The following KCNJ6 variants were observed in gnomAD, a reference collection of about 807,000 sequenced individuals.
KCNJ6 encodes G protein-activated inward rectifier potassium channel 2.
In KCNJ6, 9 loss-of-function variants were observed where a neutral mutation model predicts 34.2. The observed-to-expected ratio is 0.26, with a 90% CI of 0.16 to 0.46. The LOEUF is 0.46. KCNJ6 is among the 20% of genes least tolerant of loss of function. The pLI, the probability that KCNJ6 is intolerant of heterozygous loss-of-function variation, is 1.00. For synonymous variants in KCNJ6, 196 were observed against 207.1 expected (o/e 0.95, Z 0.46); for missense variants, 236 against 531.3 (o/e 0.44, Z 5.46).
chr21:37,786,584 C>G (rs918873156), intron 2 of KCNJ6, among the ~76,000 whole-genome samples: 7 of 152,186 alleles, frequency 4.6e-5, no homozygotes, highest in Non-Finnish European at 8.8e-5. Flanking sequence ...GATTGGTGGC[C>G]TCAAAGACTA....
intron 3 of KCNJ6, among the ~76,000 whole-genome samples, chr21:37,698,417 G>A (rs894217158): frequency 1.3e-5 from 2 of 152,186 alleles, no homozygotes; most frequent in East Asian, 3.9e-4. Flanking sequence ...GGGGGCTCAT[G>A]GTCTTCCTGC....
chr21:37,643,547 G>C (rs1216828450), intron 3 of KCNJ6, among the ~76,000 whole-genome samples: 1 of 152,164 alleles, frequency 6.6e-6, no homozygotes, highest in African/African-American at 2.4e-5. Context: ...GAGGGGCCAG[G>C]GAGTTGCTGC....
chr21:37,635,155 G>A (rs953968616), intron 3 of KCNJ6, among the ~76,000 whole-genome samples: 42 of 152,232 alleles, frequency 2.8e-4, no homozygotes, highest in Admixed American at 1.6e-3. Context: ...ATAATGGTTA[G>A]CAGTGTTCTA....
chr21:37,634,122 T>C (rs2054346136), intron 3 of KCNJ6, among the ~76,000 whole-genome samples: 1 of 152,206 alleles, frequency 6.6e-6, no homozygotes, highest in Non-Finnish European at 1.5e-5. Context: ...ATACTTTGGA[T>C]ATTTGTCCTC....
At chr21:37,656,180 C>T (rs1188037605) in intron 3 of KCNJ6, among the ~76,000 whole-genome samples, 1 of 152,194 alleles carries the variant, frequency 6.6e-6, no homozygotes, top group African/African-American at 2.4e-5. Flanking sequence ...GCTGGCCACA[C>T]CCCTTCTCCC....
At chr21:37,813,692 A>G (rs923654167) in intron 2 of KCNJ6, among the ~76,000 whole-genome samples, 1 of 152,214 alleles carries the variant, frequency 6.6e-6, no homozygotes, top group Non-Finnish European at 1.5e-5. Context: ...GGAAAACTGG[A>G]TATCCATATG....
At chr21:37,704,835 C>CT (rs58315508) in intron 3 of KCNJ6, among the ~76,000 whole-genome samples, 19,761 of 150,244 alleles carry the variant, frequency 0.13, 1,552 homozygotes, top group East Asian at 0.38. Flanking sequence ...CAATGTTAAA[C>CT]TTTTTTTTTT....
intron 2 of KCNJ6, among the ~76,000 whole-genome samples, chr21:37,765,946 T>A (rs930629421): frequency 2.6e-5 from 4 of 152,248 alleles, no homozygotes; most frequent in African/African-American, 4.8e-5. Flanking sequence ...CAAATATGCA[T>A]ATTATGTATT....
intron 3 of KCNJ6, among the ~76,000 whole-genome samples, chr21:37,659,565 G>C (rs1312859659): frequency 6.6e-6 from 1 of 152,238 alleles, no homozygotes; most frequent in Non-Finnish European, 1.5e-5. Flanking sequence ...GGAAAGAGCA[G>C]AAATGCAGTC....
chr21:37,838,907 G>A (rs1167712204), intron 2 of KCNJ6, among the ~76,000 whole-genome samples: 2 of 152,136 alleles, frequency 1.3e-5, no homozygotes, highest in South Asian at 2.1e-4. Context: ...GTAAGTGCTC[G>A]AGAGATCCAG....
At chr21:37,677,439 C>G (rs2054569612) in intron 3 of KCNJ6, among the ~76,000 whole-genome samples, 1 of 152,166 alleles carries the variant, frequency 6.6e-6, no homozygotes, top group African/African-American at 2.4e-5. Context: ...AGTACCAAAT[C>G]CTTGGGTTTG....
At chr21:37,780,814 C>A (rs2123512021) in intron 2 of KCNJ6, among the ~76,000 whole-genome samples, 1 of 152,096 alleles carries the variant, frequency 6.6e-6, no homozygotes, top group Non-Finnish European at 1.5e-5. Flanking sequence ...CATTGCATGC[C>A]TGTATCAAAA....
intron 1 of KCNJ6, among the ~76,000 whole-genome samples, chr21:37,912,743 G>T (rs1430238224): frequency 6.6e-6 from 1 of 152,204 alleles, no homozygotes; most frequent in Non-Finnish European, 1.5e-5. Flanking sequence ...GAAATAGATT[G>T]CTCTGTCTTC....
At chr21:37,642,116 A>G (rs931154311) in intron 3 of KCNJ6, among the ~76,000 whole-genome samples, 2 of 152,224 alleles carry the variant, frequency 1.3e-5, no homozygotes, top group African/African-American at 2.4e-5. Context: ...TGAGCAGGCC[A>G]TCGGGATAAC....
intron 2 of KCNJ6, among the ~76,000 whole-genome samples, chr21:37,771,241 C>T (rs1367109607): frequency 6.6e-6 from 1 of 152,140 alleles, no homozygotes; most frequent in Admixed American, 6.5e-5. Flanking sequence ...AGGTATTTTG[C>T]AGATATGATT....
chr21:37,718,636 G>A (rs1383801317), intron 2 of KCNJ6, among the ~76,000 whole-genome samples: 1 of 151,944 alleles, frequency 6.6e-6, no homozygotes, highest in African/African-American at 2.4e-5. Context: ...TGGATGCAGG[G>A]CGGGGAACAT....
chr21:37,673,913 G>C, intron 3 of KCNJ6, among the ~76,000 whole-genome samples: 1 of 152,302 alleles, frequency 6.6e-6, no homozygotes, highest in Admixed American at 6.5e-5. Context: ...GATGGCCAAA[G>C]AGCAGGGAGA....
chr21:37,636,132 T>C (rs2054356939), intron 3 of KCNJ6, among the ~76,000 whole-genome samples: 1 of 151,834 alleles, frequency 6.6e-6, no homozygotes, highest in South Asian at 2.1e-4. Flanking sequence ...CTGATTTCCC[T>C]TTTCCCTGCC....
chr21:37,733,813 GT>G (rs1399713715), intron 2 of KCNJ6, among the ~76,000 whole-genome samples: 1 of 152,190 alleles, frequency 6.6e-6, no homozygotes, highest in Non-Finnish European at 1.5e-5. Context: ...TTTTGTGAGT[GT>G]TGCATTTCCC....
Sources: gnomAD v4.1 joint callset for allele counts (sites outside exome capture counted in the v4.1 genomes callset) on GRCh38, gnomAD v4.1.1 for gene constraint, MANE v1.5 for transcripts, NCBI Gene and HGNC (gene_info 2026-07-23, HGNC 2026-07-21) for gene names.